The following BMERB1 variants were observed in gnomAD, a reference collection of about 807,000 sequenced individuals.
BMERB1 encodes the protein bMERB domain containing 1.
In BMERB1, 12 loss-of-function variants were observed where a neutral mutation model predicts 23.6. That is an observed-to-expected ratio of 0.51 (90% CI 0.33 to 0.82). The LOEUF (loss-of-function observed/expected upper bound fraction) is 0.82, where lower values mean the gene tolerates loss of function less well. BMERB1 is among the 40% of genes least tolerant of loss of function. BMERB1 has a pLI of 0.03. For missense variants in BMERB1, 247 were observed against 255.4 expected, an observed-to-expected ratio of 0.97 and a Z score of 0.22; for synonymous variants, 122 against 96.6, an observed-to-expected ratio of 1.26 and a Z score of -1.54.
chr16:15,535,897 AAG>A (rs770856692), intron 2 of BMERB1, among the ~76,000 whole-genome samples: 1 of 152,146 alleles, frequency 6.6e-6, no homozygotes, highest in Non-Finnish European at 1.5e-5. Flanking sequence ...AGGAGGGAAT[AAG>A]AGCCAGCAGG....
At chr16:15,544,937 C>T (rs78016672) in intron 2 of BMERB1, among the ~76,000 whole-genome samples, 2,133 of 152,220 alleles carry the variant, frequency 0.014, 56 homozygotes, top group African/African-American at 0.05. Context: ...AACTGTCCCC[C>T]AAAGCACCTA....
At chr16:15,438,784 C>T (rs1476959764) in intron 1 of BMERB1, among the ~76,000 whole-genome samples, 4 of 152,072 alleles carry the variant, frequency 2.6e-5, no homozygotes, top group African/African-American at 4.8e-5. Flanking sequence ...CGTGTTTGCA[C>T]GCAGGGGGTG....
rs560053273 is a variant in BMERB1 at position 15,588,199 on chromosome 16, T to C, written c.*1370T>C. 3.9e-5 allele frequency: 6 copies of C among 152,344 alleles called. No homozygotes were observed. The highest frequency in any genetic ancestry group is 1.4e-4 in the African/African-American group (6 of 41,568). 9.4% of individuals were successfully genotyped at this position (152,344 alleles called of 1,614,324 possible). On this transcript the variant is annotated 3_prime_UTR_variant, in exon 6 of 6. Transcript: ENST00000300006. ...ATAACCAGTTTTTTCCTACTTATTATACCACCATCTTCCACATCATTAAAA... is the reference window on the plus strand; with the variant it reads ...ATAACCAGTTTTTTCCTACTTATTACACCACCATCTTCCACATCATTAAAA...
At chr16:15,516,278 G>C (rs1268111147) in intron 2 of BMERB1, among the ~76,000 whole-genome samples, 1 of 151,516 alleles carries the variant, frequency 6.6e-6, no homozygotes, top group Non-Finnish European at 1.5e-5. Context: ...AAAATTAGCT[G>C]TGTGTGGCTG....
In BMERB1 at chr16:15,434,763, A is replaced by C. The variant is rs890915086; in HGVS notation, c.106+4A>C. 2 of 362,568 alleles carry C rather than the reference A, an allele frequency of 5.5e-6. No homozygotes were observed. Among genetic ancestry groups the C allele is most frequent in the Non-Finnish European group, 1.1e-5 (2 of 186,980 alleles). 22.5% of individuals were successfully genotyped at this position (362,568 alleles called of 1,614,324 possible). ...AAAACGGAGAGACTGGGGAGAAGTG[A>C]GTACTGGGGCGGGGGGCGGGGGGCC... On this transcript the variant is annotated splice_donor_region_variant and intron_variant, in intron 1 of 5. Transcript: ENST00000300006.
intron 2 of BMERB1, among the ~76,000 whole-genome samples, chr16:15,554,485 T>C (rs1472117869): frequency 2.6e-5 from 4 of 152,080 alleles, no homozygotes; most frequent in African/African-American, 9.7e-5. Flanking sequence ...ACCATATTTA[T>C]GTAATATTTG....
At chr16:15,450,389 C>T (rs894625261) in intron 1 of BMERB1, among the ~76,000 whole-genome samples, 2 of 152,124 alleles carry the variant, frequency 1.3e-5, no homozygotes, top group East Asian at 3.8e-4. Flanking sequence ...CATAGAGAAA[C>T]TGGCATTGGT....
intron 2 of BMERB1, among the ~76,000 whole-genome samples, chr16:15,529,796 G>A (rs2051949353): frequency 6.6e-6 from 1 of 152,208 alleles, no homozygotes; most frequent in Non-Finnish European, 1.5e-5. Context: ...TGGTTAGGGT[G>A]AACAGTGGGT....
At chr16:15,548,540 C>T (rs185567572) in intron 2 of BMERB1, among the ~76,000 whole-genome samples, 15 of 152,228 alleles carry the variant, frequency 9.9e-5, no homozygotes, top group Admixed American at 2.6e-4. Flanking sequence ...GTATTTACAC[C>T]GTGGAAATTG....
At chr16:15,570,506 C>T (rs1248714582) in intron 3 of BMERB1, among the ~76,000 whole-genome samples, 1 of 152,060 alleles carries the variant, frequency 6.6e-6, no homozygotes. Flanking sequence ...TCATCCCTGG[C>T]CTCTACCCAC....
intron 2 of BMERB1, among the ~76,000 whole-genome samples, chr16:15,558,487 G>A (rs1355792511): frequency 7.2e-5 from 11 of 151,970 alleles, no homozygotes; most frequent in Admixed American, 7.2e-4. Flanking sequence ...GGGGAGTTTT[G>A]GGCCCTCTGA....
At chr16:15,534,989 A>G (rs1289861148) in intron 2 of BMERB1, among the ~76,000 whole-genome samples, 1 of 152,166 alleles carries the variant, frequency 6.6e-6, no homozygotes, top group African/African-American at 2.4e-5. Flanking sequence ...CACCTTTACT[A>G]AACTATATTT....
At chr16:15,565,039 A>C (rs541011122) in intron 2 of BMERB1, among the ~76,000 whole-genome samples, 4 of 151,744 alleles carry the variant, frequency 2.6e-5, no homozygotes, top group East Asian at 3.9e-4. Context: ...AAATAGTTTT[A>C]TATTCCTTTA....
At chr16:15,477,924 A>G (rs1363219508) in intron 1 of BMERB1, among the ~76,000 whole-genome samples, 2 of 152,232 alleles carry the variant, frequency 1.3e-5, no homozygotes, top group East Asian at 3.9e-4. Flanking sequence ...TCTGTGAGTT[A>G]TCAGTTGTAA....
intron 3 of BMERB1, among the ~76,000 whole-genome samples, chr16:15,571,061 C>T (rs2030711924): frequency 6.6e-6 from 1 of 150,826 alleles, no homozygotes; most frequent in South Asian, 2.1e-4. Flanking sequence ...TATCTTGTGC[C>T]GACCTCCTAT....
chr16:15,584,299 C>T (rs1001503460), intron 5 of BMERB1: 6 of 390,830 alleles, frequency 1.5e-5, no homozygotes, highest in Non-Finnish European at 2.8e-5. Flanking sequence ...GTGGCTCACG[C>T]CTGTAATGCC....
At chr16:15,465,628 C>T (rs945857273) in intron 1 of BMERB1, among the ~76,000 whole-genome samples, 10 of 152,270 alleles carry the variant, frequency 6.6e-5, no homozygotes, top group Non-Finnish European at 1.5e-4. Context: ...GCTGGTATTA[C>T]AGCTGTGACC....
At chr16:15,479,175 A>G (rs2051298100) in intron 1 of BMERB1, among the ~76,000 whole-genome samples, 1 of 152,210 alleles carries the variant, frequency 6.6e-6, no homozygotes, top group African/African-American at 2.4e-5. Flanking sequence ...AACAATTAGA[A>G]TTCTGGAACA....
chr16:15,567,254 A>C (rs1196315224), intron 2 of BMERB1, among the ~76,000 whole-genome samples: 3 of 152,184 alleles, frequency 2.0e-5, no homozygotes, highest in African/African-American at 4.8e-5. Context: ...AATCCAGAGG[A>C]ATACATACTA....
Sources: gnomAD v4.1 joint callset for allele counts (sites outside exome capture counted in the v4.1 genomes callset) on GRCh38, gnomAD v4.1.1 for gene constraint, MANE v1.5 for transcripts, NCBI Gene and HGNC (gene_info 2026-07-23, HGNC 2026-07-21) for gene names.